The following MAML2 variants were observed in gnomAD, a reference collection of about 807,000 sequenced individuals.
The protein encoded by MAML2 is mastermind-like protein 2.
In MAML2, 22 loss-of-function variants were observed where a neutral mutation model predicts 96.1. The ratio of observed to expected loss-of-function variants is 0.23; its 90% CI spans 0.16 to 0.33. MAML2 has a LOEUF of 0.33. MAML2 is among the 10% of genes least tolerant of loss of function. The pLI is 1.00. For synonymous variants in MAML2, 561 were observed against 521.3 expected, an observed-to-expected ratio of 1.08 and a Z score of -1.04; for missense variants, 1,367 against 1,392.4, an observed-to-expected ratio of 0.98 and a Z score of 0.29.
At chr11:96,177,618 ACT>A (rs1298531889) in intron 1 of MAML2, among the ~76,000 whole-genome samples, 4 of 151,970 alleles carry the variant, frequency 2.6e-5, no homozygotes, top group Admixed American at 2.6e-4. Flanking sequence ...CTAGAAATAT[ACT>A]CTTTTTCATA....
Position 96,108,423 on chromosome 11 carries a change from G to C in MAML2, c.514-14906C>G, listed in dbSNP as rs536276286. Among the ~76,000 whole-genome samples, 40 of 152,272 alleles carry C rather than the reference G, an allele frequency of 2.6e-4. 1 individual carries two copies. In the South Asian group the frequency reaches 7.0e-3, roughly 27 times the overall value. ...AAGGAGTGAACGGCATTTATTGGGT[G>C]ACTACTTAATAGAAGACACTTTCTA... On this transcript the variant is annotated intron_variant, in intron 1 of 4. Transcript: ENST00000524717.
chr11:96,193,814 T>TCC (rs1307279156), intron 1 of MAML2, among the ~76,000 whole-genome samples: 1 of 152,260 alleles, frequency 6.6e-6, no homozygotes, highest in Non-Finnish European at 1.5e-5. Flanking sequence ...TTTTTAAATG[T>TCC]CTGTGTATAC....
intron 1 of MAML2, among the ~76,000 whole-genome samples, chr11:96,182,312 C>A (rs1861499253): frequency 6.6e-6 from 1 of 152,140 alleles, no homozygotes; most frequent in Non-Finnish European, 1.5e-5. Context: ...TACTCCTAGT[C>A]CAGAGCCTTA....
intron 1 of MAML2, among the ~76,000 whole-genome samples, chr11:96,109,781 A>G (rs1048385598): frequency 6.6e-6 from 1 of 152,162 alleles, no homozygotes; most frequent in Admixed American, 6.5e-5. Flanking sequence ...GGGGCATGTA[A>G]GTGGAGACAT....
At chr11:96,029,106 A>G (rs1186664900) in intron 2 of MAML2, among the ~76,000 whole-genome samples, 1 of 151,988 alleles carries the variant, frequency 6.6e-6, no homozygotes, top group Non-Finnish European at 1.5e-5. Context: ...TTCAACCCAA[A>G]GGTGCCTGTC....
intron 1 of MAML2, among the ~76,000 whole-genome samples, chr11:96,101,944 T>G (rs1414094425): frequency 6.6e-6 from 1 of 152,222 alleles, no homozygotes; most frequent in African/African-American, 2.4e-5. Context: ...AAGAACCATG[T>G]AGCTAAAGCT....
chr11:96,227,314 T>C (rs551363322), intron 1 of MAML2, among the ~76,000 whole-genome samples: 1 of 152,350 alleles, frequency 6.6e-6, no homozygotes, highest in African/African-American at 2.4e-5. Context: ...AATCCTGTAG[T>C]GATCCATTCC....
chr11:96,235,496 G>A (rs2186584), intron 1 of MAML2, among the ~76,000 whole-genome samples: 1 of 151,978 alleles, frequency 6.6e-6, no homozygotes, highest in Admixed American at 6.5e-5. Flanking sequence ...TGAAAGTCAG[G>A]AGACCTTGAT....
At chr11:96,173,200 A>T (rs1011602985) in intron 1 of MAML2, among the ~76,000 whole-genome samples, 1 of 152,174 alleles carries the variant, frequency 6.6e-6, no homozygotes, top group Non-Finnish European at 1.5e-5. Flanking sequence ...TATCAACCAC[A>T]AATATCTTGG....
At chr11:96,179,127 C>A (rs1861443087) in intron 1 of MAML2, among the ~76,000 whole-genome samples, 1 of 152,152 alleles carries the variant, frequency 6.6e-6, no homozygotes. Context: ...TTCTGCCCAG[C>A]AACATAGTGC....
intron 1 of MAML2, among the ~76,000 whole-genome samples, chr11:96,241,344 C>T (rs1862435471): frequency 6.6e-6 from 1 of 152,174 alleles, no homozygotes; most frequent in Non-Finnish European, 1.5e-5. Context: ...CCAACATCTA[C>T]TAAAAAATCC....
chr11:96,013,636 C>T (rs969979466), intron 2 of MAML2, among the ~76,000 whole-genome samples: 7 of 152,160 alleles, frequency 4.6e-5, no homozygotes, highest in Non-Finnish European at 2.9e-5. Context: ...ACAAAGGCAG[C>T]CAGACGTCGA....
intron 1 of MAML2, among the ~76,000 whole-genome samples, chr11:96,229,628 T>C (rs1032148982): frequency 3.3e-5 from 5 of 151,028 alleles, no homozygotes; most frequent in Non-Finnish European, 7.4e-5. Context: ...TACATATCGA[T>C]TGATTCATTT....
At chr11:96,167,917 A>G (rs1408220098) in intron 1 of MAML2, among the ~76,000 whole-genome samples, 14 of 152,228 alleles carry the variant, frequency 9.2e-5, no homozygotes, top group Admixed American at 2.6e-4. Flanking sequence ...TATCATAGCA[A>G]TTAACAAGCA....
In MAML2 at chr11:96,342,294, G is replaced by GA. The variant is rs1193367072; in HGVS notation, c.-400dup. The GA allele has an allele frequency of 9.4e-6, 4 of 426,960 alleles. No individual in the cohort carries two copies. The East Asian group carries it at 1.3e-4, about 14-fold the overall frequency. The allele number at this position is 426,960 out of a possible 1,614,324, so 26.4% of individuals were successfully genotyped here. On this transcript the variant is annotated 5_prime_UTR_variant, in exon 1 of 5. Coordinates refer to ENST00000524717, the MANE Select transcript of MAML2 (RefSeq NM_032427.4). ...TTCAGGGATTGTCCAGCAAGAGACA[G>GA]AAACACACAGCAAAAGGTATTGAGA... is the stretch of plus-strand genomic sequence containing the variant.
chr11:95,994,173 A>G (rs538810549), intron 2 of MAML2, among the ~76,000 whole-genome samples: 1 of 152,302 alleles, frequency 6.6e-6, no homozygotes, highest in African/African-American at 2.4e-5. Flanking sequence ...TCAGGTCAGG[A>G]AGGTGGAAAG....
At chr11:96,069,626 G>T (rs770349172) in intron 2 of MAML2, among the ~76,000 whole-genome samples, 1 of 152,054 alleles carries the variant, frequency 6.6e-6, no homozygotes, top group Non-Finnish European at 1.5e-5. Flanking sequence ...GCAGTGAGTC[G>T]CCATAATGCC....
chr11:96,044,598 A>G (rs567051434), intron 2 of MAML2, among the ~76,000 whole-genome samples: 4 of 152,324 alleles, frequency 2.6e-5, no homozygotes, highest in Non-Finnish European at 5.9e-5. Flanking sequence ...GAATGAATGC[A>G]TGAGGCCATG....
intron 1 of MAML2, among the ~76,000 whole-genome samples, chr11:96,282,947 C>A (rs775042161): frequency 6.6e-6 from 1 of 152,144 alleles, no homozygotes; most frequent in Non-Finnish European, 1.5e-5. Context: ...TTCTAGCAGA[C>A]AATTCAACTA....
Sources: gnomAD v4.1 joint callset for allele counts (sites outside exome capture counted in the v4.1 genomes callset) on GRCh38, gnomAD v4.1.1 for gene constraint, MANE v1.5 for transcripts, NCBI Gene and HGNC (gene_info 2026-07-23, HGNC 2026-07-21) for gene names.